Variants in PLEKHG4B observed in about 807,000 individuals in gnomAD.
The protein encoded by PLEKHG4B is pleckstrin homology and RhoGEF domain containing G4B.
Under a neutral mutation model 121.3 loss-of-function variants are expected in PLEKHG4B, and 111 were observed. The ratio of observed to expected loss-of-function variants is 0.92; its 90% CI spans 0.78 to 1.07. The LOEUF (loss-of-function observed/expected upper bound fraction) is 1.07, where lower values mean the gene tolerates loss of function less well. Among genes scored for constraint, PLEKHG4B ranks in the 50% least tolerant of loss-of-function variants. The pLI, the probability that PLEKHG4B is intolerant of heterozygous loss-of-function variation, is 0.00. For missense variants in PLEKHG4B, 1,831 were observed against 1,757.8 expected (o/e 1.04, Z -0.74); for synonymous variants, 738 against 725.0 (o/e 1.02, Z -0.29).
chr5:139,766 T>C lies in PLEKHG4B; in HGVS notation c.527T>C (p.Leu176Pro). The change falls in exon 3 of 20, where the codon CTG becomes CCG. Residue 176 changes from leucine to proline, a missense_variant. Transcript: ENST00000637938. The surrounding 1 kb of genome is among the most constrained non-coding windows in gnomAD (Gnocchi z 5.0). ...WVNRERRHVP[L>P]QTCLLTSGLA... The stretch of plus-strand genomic sequence containing the variant: ...AACCGGGAGCGGCGCCATGTCCCCC[T>C]GCAAACCTGCTTGCTGACCTCAGGC... 1 of 399,028 alleles carries C rather than the reference T, an allele frequency of 2.5e-6. No homozygotes were observed. Among genetic ancestry groups the C allele is most frequent in the Non-Finnish European group, 4.4e-6 (1 of 226,368 alleles). The allele number at this position is 399,028 out of a possible 1,614,324, so 24.7% of individuals were successfully genotyped here.
At chr5:135,702 T>TATATATATATATATATAC (rs1734961290) in intron 2 of PLEKHG4B, among the ~76,000 whole-genome samples, 1 of 81,552 alleles carries the variant, frequency 1.2e-5, no homozygotes, top group African/African-American at 6.5e-5. Context: ...TATATATATA[T>TATATATATATATATATAC]ATATATATAT....
Position 157,013 on chromosome 5 carries a change from C to G in PLEKHG4B, c.2487+102C>G. 2 of 1,435,996 alleles carry G rather than the reference C, an allele frequency of 1.4e-6. No homozygotes were observed. The highest frequency in any genetic ancestry group is 1.2e-5 in the South Asian group (1 of 81,612). The allele number at this position is 1,435,996 out of a possible 1,614,324, so 89.0% of individuals were successfully genotyped here. A position where few individuals can be genotyped will look rare whatever the true frequency, so the allele number is the denominator to read the frequency against. ...CACACTGTGTCTTTAGGGCCTTGAT[C>G]TGATTTCCATTTGGAATGAAATTAT... On this transcript the variant is annotated intron_variant, in intron 11 of 19. Transcript: ENST00000637938. The surrounding 1 kb of genome is among the most constrained non-coding windows in gnomAD (Gnocchi z 4.6).
intron 18 of PLEKHG4B, among the ~76,000 whole-genome samples, chr5:174,878 TC>T (rs1299362244): frequency 6.6e-6 from 1 of 152,026 alleles, no homozygotes; most frequent in Non-Finnish European, 1.5e-5. Flanking sequence ...GCTCCGTGAC[TC>T]GATCTCCAAA....
At chr5:160,859 G>C (rs1266222322) in intron 11 of PLEKHG4B, among the ~76,000 whole-genome samples, 1 of 152,158 alleles carries the variant, frequency 6.6e-6, no homozygotes, top group Non-Finnish European at 1.5e-5. Flanking sequence ...CCTGCCCCTT[G>C]CCTGGCAGTT....
At chr5:134,988 G>A (rs1734908483) in intron 2 of PLEKHG4B, among the ~76,000 whole-genome samples, 1 of 151,832 alleles carries the variant, frequency 6.6e-6, no homozygotes, top group Admixed American at 6.6e-5. Flanking sequence ...AGGAGATCGA[G>A]ACCATCCTGG....
intron 18 of PLEKHG4B, among the ~76,000 whole-genome samples, chr5:174,676 G>T (rs889958045): frequency 6.6e-6 from 1 of 152,102 alleles, no homozygotes; most frequent in African/African-American, 2.4e-5. Flanking sequence ...TCTATACAGG[G>T]TTGGTGCACA....
At chr5:143,834 C>A (rs760014685) in intron 5 of PLEKHG4B, among the ~76,000 whole-genome samples, 1 of 152,226 alleles carries the variant, frequency 6.6e-6, no homozygotes, top group Non-Finnish European at 1.5e-5. Flanking sequence ...TCTCTTATGT[C>A]CTTGGCTCAC....
chr5:161,968 T>A, intron 12 of PLEKHG4B, 24 bp downstream of exon 12: 1 of 1,585,302 alleles, frequency 6.3e-7, no homozygotes, highest in Non-Finnish European at 8.6e-7. Context: ...TGGGCGTGCG[T>A]CCCAGGGATC....
rs768479292 is a variant in PLEKHG4B at position 172,958 on chromosome 5, G to A, written c.4112G>A (p.Arg1371Lys). ...GATGAGTTTATCGTTTGCTGCGGGA[G>A]GAAGAAGTATCTGAGGCATGTGTTC... The part of the protein sequence containing the change: ...CRDEFIVCCG[R>K]KKYLRHVFLF... Residue 1371 changes from arginine to lysine, a missense_variant, in exon 17 of 20, where the codon AGG becomes AAG. Coordinates refer to ENST00000637938, the MANE Select transcript of PLEKHG4B (RefSeq NM_052909.5). 8.7e-6 allele frequency: 14 copies of A among 1,614,068 alleles called. No individual in the cohort carries two copies. The highest frequency in any genetic ancestry group is 4.0e-5 in the African/African-American group (3 of 74,926).
rs536040535 is a variant in PLEKHG4B, at chr5:143,214, G to A, written c.1645G>A (p.Val549Ile). ...PSQVPKQVLD[V>I]SQELLQSGVV... ...CCAGGTGCCCAAGCAGGTGCTGGAC[G>A]TCAGTCAGGAGCTGCTGCAGTCCGG... Residue 549 changes from valine to isoleucine, a missense_variant, in exon 4 of 20, where the codon GTC becomes ATC. Physicochemically the swap from Val to Ile is conservative, Grantham distance 29. Transcript: ENST00000637938. The A allele has an allele frequency of 3.0e-5, 49 of 1,611,140 alleles. No individual in the cohort carries two copies. In the South Asian group the frequency reaches 3.5e-4, roughly 12 times the overall value.
chr5:93,613 C>T (rs1733535328), intron 1 of PLEKHG4B, among the ~76,000 whole-genome samples: 1 of 152,214 alleles, frequency 6.6e-6, no homozygotes, highest in Non-Finnish European at 1.5e-5. Context: ...CGCAGGCAGC[C>T]GGTAGGCCAG....
At position 134,579 on chromosome 5, in the gene PLEKHG4B, G is replaced by A. The variant is rs377740119; in HGVS notation, c.244-4904G>A. 2.3e-3 allele frequency among the ~76,000 whole-genome samples: 349 copies of A among 151,642 alleles called. 2 individuals carry two copies. The Middle Eastern group carries it at 0.024, about 10-fold the overall frequency. The stretch of plus-strand genomic sequence containing the variant: ...TCAGGAGTTCAAGACCAGCCTAGCC[G>A]ATGTAGTGAAACCTTCTCTCTACTA... On this transcript the variant is annotated intron_variant, in intron 2 of 19. Transcript: ENST00000637938.
chr5:146,681 T>C (rs1310069714), intron 6 of PLEKHG4B, among the ~76,000 whole-genome samples: 2 of 67,774 alleles, frequency 3.0e-5, no homozygotes, highest in African/African-American at 5.8e-5. Flanking sequence ...CCTCCTCTCC[T>C]CCCCCACAGT....
chr5:142,452 C>G (rs1161909216), intron 3 of PLEKHG4B, among the ~76,000 whole-genome samples: 3 of 151,948 alleles, frequency 2.0e-5, no homozygotes, highest in African/African-American at 7.3e-5. Flanking sequence ...CAGTCACATG[C>G]TTCACACAAT....
At chr5:173,800 C>A in intron 17 of PLEKHG4B, 118 bp from the exon 18 acceptor site, 1 of 1,219,788 alleles carries the variant, frequency 8.2e-7, no homozygotes, top group Non-Finnish European at 1.1e-6. Flanking sequence ...TGACCCATCC[C>A]ACACATTTGT....
chr5:124,218 T>A (rs1360871988), intron 2 of PLEKHG4B, among the ~76,000 whole-genome samples: 1 of 152,222 alleles, frequency 6.6e-6, no homozygotes, highest in Non-Finnish European at 1.5e-5. Flanking sequence ...GTATGATATC[T>A]ATCTTTTTAA....
In PLEKHG4B at chr5:178,226, T is replaced by A. The variant is rs1736822506; in HGVS notation, c.4403-3288T>A. On this transcript the variant is annotated intron_variant, in intron 18 of 19. Transcript: ENST00000637938. Reference sequence around the variant, plus strand: ...ACTTTAGTGCAGCAGGTGTGGACCATCAGGAAACGCCCTCTCCCTGGCACT... The same window carrying A: ...ACTTTAGTGCAGCAGGTGTGGACCAACAGGAAACGCCCTCTCCCTGGCACT... Among the ~76,000 whole-genome samples, 3 of 152,210 alleles carry A rather than the reference T, an allele frequency of 2.0e-5. No homozygotes were observed. The South Asian group carries it at 6.2e-4, about 32-fold the overall frequency.
At chr5:117,553 G>A (rs1434391908) in intron 2 of PLEKHG4B, among the ~76,000 whole-genome samples, 1 of 152,154 alleles carries the variant, frequency 6.6e-6, no homozygotes, top group Non-Finnish European at 1.5e-5. Flanking sequence ...AATGTGTCTG[G>A]AGAAGTTTAG....
intron 1 of PLEKHG4B, among the ~76,000 whole-genome samples, chr5:100,980 GT>G (rs1733789304): frequency 1.9e-5 from 2 of 104,290 alleles, no homozygotes; most frequent in Non-Finnish European, 3.7e-5. Context: ...CCTGGAAAAA[GT>G]CTGTAGGGGA....
Sources: allele counts gnomAD v4.1 joint callset (sites outside exome capture counted in the v4.1 genomes callset), GRCh38; gene constraint gnomAD v4.1.1; non-coding constraint Gnocchi (gnomAD v3.1); transcripts MANE v1.5; gene names NCBI Gene and HGNC (gene_info 2026-07-23, HGNC 2026-07-21).